IQGAP1: variants seen among roughly 807,000 people sequenced by gnomAD.
The protein encoded by IQGAP1 is ras GTPase-activating-like protein IQGAP1.
In IQGAP1, 66 loss-of-function variants were observed where a neutral mutation model predicts 215.6. The observed-to-expected ratio is 0.31, with a 90% CI of 0.25 to 0.38. The LOEUF is 0.38. Among genes scored for constraint, IQGAP1 ranks in the 10% least tolerant of loss-of-function variants. The pLI is 1.00. For synonymous variants in IQGAP1, 772 were observed against 728.7 expected, an observed-to-expected ratio of 1.06 and a Z score of -0.96; for missense variants, 1,712 against 1,997.1, an observed-to-expected ratio of 0.86 and a Z score of 2.72.
rs75064221 is a variant in IQGAP1, at chr15:90,462,824, T to G, written c.1777-3177T>G. 8.6e-3 allele frequency among the ~76,000 whole-genome samples: 1,310 copies of G among 152,286 alleles called. 39 individuals carry two copies. The East Asian group carries it at 0.11, about 12-fold the overall frequency. ...TCTTCTGAAATGCAATCAGCGTGTT[T>G]CTAAGTGTCAGAGTTGTTAGGGAGC... On this transcript the variant is annotated intron_variant, in intron 15 of 37. Transcript: ENST00000268182.
In IQGAP1 at chr15:90,410,250, A is replaced by G. The variant is rs140269164; in HGVS notation, c.156-15860A>G. 3.2e-3 allele frequency among the ~76,000 whole-genome samples: 493 copies of G among 152,276 alleles called. 2 individuals carry two copies. Among genetic ancestry groups the G allele is most frequent in the Middle Eastern group, 0.01 (3 of 294 alleles). ...GCCTATGTCCTGAATGGTATTTCCT[A>G]GTTCAACCATTGTGGAAGACAGTGT... is the stretch of plus-strand genomic sequence containing the variant. On this transcript the variant is annotated intron_variant, in intron 2 of 37. Transcript: ENST00000268182.
chr15:90,400,351 G>T (rs1389269191), intron 2 of IQGAP1, among the ~76,000 whole-genome samples: 2 of 152,112 alleles, frequency 1.3e-5, no homozygotes. Flanking sequence ...CCTTGGTTCT[G>T]TTAATGGTAG....
chr15:90,440,677 T>G (rs1277717530), intron 7 of IQGAP1, 62 bp downstream of exon 7: 1 of 1,035,648 alleles, frequency 9.7e-7, no homozygotes, highest in Non-Finnish European at 1.5e-6. Context: ...CAATAATTAA[T>G]TCTATAGTGA....
intron 34 of IQGAP1, among the ~76,000 whole-genome samples, chr15:90,492,029 C>T (rs1966212614): frequency 6.6e-6 from 1 of 152,040 alleles, no homozygotes. Flanking sequence ...TTTAAGAGGT[C>T]CAAACCAGCT....
intron 26 of IQGAP1, among the ~76,000 whole-genome samples, chr15:90,478,748 C>G (rs1188812765): frequency 6.6e-6 from 1 of 152,082 alleles, no homozygotes; most frequent in Non-Finnish European, 1.5e-5. Context: ...CCTGGCATAA[C>G]TAGGGATACA....
chr15:90,422,763 A>T (rs1965165096), intron 2 of IQGAP1, among the ~76,000 whole-genome samples: 1 of 151,040 alleles, frequency 6.6e-6, no homozygotes. Context: ...TGGCACGATC[A>T]TAACTCACTG....
intron 2 of IQGAP1, among the ~76,000 whole-genome samples, chr15:90,422,369 G>T (rs895158271): frequency 6.6e-6 from 1 of 152,024 alleles, no homozygotes; most frequent in South Asian, 2.1e-4. Context: ...TAATTTTGGA[G>T]TTGTACTTCT....
At chr15:90,452,246 AT>A (rs1332835455) in intron 11 of IQGAP1, among the ~76,000 whole-genome samples, 1 of 152,198 alleles carries the variant, frequency 6.6e-6, no homozygotes, top group East Asian at 1.9e-4. Flanking sequence ...GATCGCTAAG[AT>A]TTGGATGGTG....
At chr15:90,459,436 G>A (rs2151026349) in intron 15 of IQGAP1, among the ~76,000 whole-genome samples, 1 of 152,292 alleles carries the variant, frequency 6.6e-6, no homozygotes, top group Non-Finnish European at 1.5e-5. Flanking sequence ...AAAACAGTAT[G>A]TCTATCAAGT....
At chr15:90,397,188 G>A (rs900068251) in intron 2 of IQGAP1, among the ~76,000 whole-genome samples, 2 of 152,104 alleles carry the variant, frequency 1.3e-5, no homozygotes, top group African/African-American at 2.4e-5. Flanking sequence ...GTAAAGAGTT[G>A]AACTAGTTAG....
At chr15:90,487,159 T>A in intron 32 of IQGAP1, 70 bp downstream of exon 32, 5 of 1,485,670 alleles carry the variant, frequency 3.4e-6, no homozygotes, top group Non-Finnish European at 4.7e-6. Context: ...GAGAGGAACC[T>A]GCTGGGTCCT....
intron 37 of IQGAP1, among the ~76,000 whole-genome samples, 199 bp from the exon 38 acceptor site, chr15:90,499,796 T>C (rs1462242302): frequency 2.6e-5 from 4 of 152,230 alleles, no homozygotes; most frequent in Admixed American, 2.0e-4. Flanking sequence ...ATGTGCCCTA[T>C]TGCTCCAGCT....
At chr15:90,429,151 G>A (rs764024697) in intron 3 of IQGAP1, among the ~76,000 whole-genome samples, 9 of 152,020 alleles carry the variant, frequency 5.9e-5, no homozygotes, top group Non-Finnish European at 2.9e-5. Flanking sequence ...CCGTCCCAGC[G>A]TGGTATTTTT....
chr15:90,491,493 G>A lies in IQGAP1; in HGVS notation c.4409G>A (p.Gly1470Glu). ...GGTTTAAAGAAGCTAACAGAGCTTG[G>A]AACCGTGGACCCAAAGAACAAATAC... Reference protein sequence around the residue: ...QTGLKKLTELGTVDPKNKYQE... With the variant: ...QTGLKKLTELETVDPKNKYQE... Residue 1470 changes from glycine to glutamate, a missense_variant, in exon 34 of 38, where the codon GGA (glycine) becomes GAA (glutamate). Physicochemically the swap from Gly to Glu is moderately conservative, Grantham distance 98 (BLOSUM62 -2). Around this residue, in one of 2 missense-constraint regions of IQGAP1, gnomAD observed 691 missense variants for 923.0 expected, o/e 0.75. Coordinates refer to ENST00000268182, the MANE Select transcript of IQGAP1 (RefSeq NM_003870.4). The A allele has an allele frequency of 6.2e-7, 1 of 1,614,168 alleles. No homozygotes were observed. The highest frequency in any genetic ancestry group is 8.5e-7 in the Non-Finnish European group (1 of 1,180,020).
chr15:90,449,680 T>C (rs1319108828), intron 11 of IQGAP1, 37 bp downstream of exon 11: 9 of 1,541,548 alleles, frequency 5.8e-6, no homozygotes, highest in Non-Finnish European at 7.1e-6. Flanking sequence ...AGGAAAGTTG[T>C]GGCTTTGTGT....
chr15:90,393,285 T>G (rs1964663239), intron 2 of IQGAP1, among the ~76,000 whole-genome samples: 1 of 152,138 alleles, frequency 6.6e-6, no homozygotes, highest in Non-Finnish European at 1.5e-5. Context: ...TGGCATAGTA[T>G]TTGCATATAA....
intron 18 of IQGAP1, among the ~76,000 whole-genome samples, chr15:90,467,819 A>G (rs1272728652): frequency 2.0e-5 from 3 of 152,212 alleles, no homozygotes; most frequent in African/African-American, 7.2e-5. Context: ...ATATGCTAAG[A>G]AAAGTTAGAT....
chr15:90,449,643 A>G lies in IQGAP1; in HGVS notation c.1162A>G (p.Arg388Gly). 1 of 1,609,054 alleles carries G rather than the reference A, an allele frequency of 6.2e-7. No homozygotes were observed. The highest frequency in any genetic ancestry group is 8.5e-7 in the Non-Finnish European group (1 of 1,177,304). The change falls in exon 11 of 38, where the codon AGA becomes GGA. Residue 388 changes from arginine (R) to glycine (G), a missense_variant and splice_region_variant. This residue lies in a region of IQGAP1 where 1,021 missense variants were observed against 1,074.2 expected (regional missense o/e 0.95). Transcript: ENST00000268182. The stretch of plus-strand genomic sequence containing the variant: ...CAGTGCTGCCCAGCAATATCAGAGA[A>G]GTAAGAGTCCATTGAAATTGTATGG... ...ANSAAQQYQR[R>G]LAAVALINAA...
chr15:90,474,548 A>C lies in IQGAP1; in HGVS notation c.2639A>C (p.Asp880Ala), dbSNP rs753012998. Reference sequence around the variant, plus strand: ...TTTGTCCACCTGCTGGACCAAAGTGACCAGGATTTTCAGGAGGAGCTTGAC... The same window carrying C: ...TTTGTCCACCTGCTGGACCAAAGTGCCCAGGATTTTCAGGAGGAGCTTGAC... ...RKFVHLLDQS[D>A]QDFQEELDLM... Residue 880 changes from aspartate to alanine, a missense_variant, in exon 23 of 38, where the codon GAC (aspartate) becomes GCC (alanine). Asp to Ala is a moderately radical substitution (Grantham distance 126). Transcript: ENST00000268182. The C allele has an allele frequency of 6.2e-7, 1 of 1,614,178 alleles. No homozygotes were observed. Among genetic ancestry groups the C allele is most frequent in the South Asian group, 1.1e-5 (1 of 91,080 alleles).
Sources: gnomAD v4.1 joint callset for allele counts (sites outside exome capture counted in the v4.1 genomes callset) on GRCh38, gnomAD v4.1.1 for gene constraint, gnomAD v4.1.1 regional missense constraint, MANE v1.5 for transcripts, NCBI Gene and HGNC (gene_info 2026-07-23, HGNC 2026-07-21) for gene names.